MDGA2: variants seen among roughly 807,000 people sequenced by gnomAD.
MDGA2 encodes MAM domain containing glycosylphosphatidylinositol anchor 2, also known as MAM domain-containing glycosylphosphatidylinositol anchor protein 2.
Under a neutral mutation model 117.8 loss-of-function variants are expected in MDGA2, and 40 were observed. The ratio of observed to expected loss-of-function variants is 0.34; its 90% CI spans 0.26 to 0.44. The LOEUF is 0.44. MDGA2 is among the 20% of genes least tolerant of loss of function. MDGA2 has a pLI of 1.00. For missense variants in MDGA2, 1,123 were observed against 1,250.6 expected (o/e 0.90, Z 1.54); for synonymous variants, 452 against 439.0 (o/e 1.03, Z -0.37).
chr14:47,429,951 G>A (rs759606958), intron 1 of MDGA2, among the ~76,000 whole-genome samples: 7 of 148,498 alleles, frequency 4.7e-5, no homozygotes, highest in South Asian at 2.2e-4. Flanking sequence ...TCTGGATGAT[G>A]ATAACGAGAA....
intron 1 of MDGA2, among the ~76,000 whole-genome samples, chr14:47,421,368 G>T (rs772204199): frequency 2.0e-5 from 3 of 152,130 alleles, no homozygotes; most frequent in Non-Finnish European, 4.4e-5. Context: ...GCCTTCTTTG[G>T]CTGGCATCAC....
intron 1 of MDGA2, 40 bp downstream of exon 1, chr14:47,674,477 A>C: frequency 3.3e-6 from 5 of 1,516,170 alleles, no homozygotes; most frequent in Non-Finnish European, 4.4e-6. Context: ...TATCTTGCCT[A>C]AGAATCACAA....
At position 47,050,072 on chromosome 14, in the gene MDGA2, T is replaced by C. The variant is rs578019434; in HGVS notation, c.1525+11177A>G. On this transcript the variant is annotated intron_variant, in intron 7 of 16. Coordinates refer to ENST00000399232, the MANE Select transcript of MDGA2 (RefSeq NM_001113498.3). ...AATGGATTCCCTCATCAAAAATACA[T>C]TTCTCAGAGTGTATCTCTGGAGCCT... Among the ~76,000 whole-genome samples, 3 of 152,104 alleles carry C rather than the reference T, an allele frequency of 2.0e-5. No individual in the cohort carries two copies. The East Asian group carries it at 5.8e-4, about 29-fold the overall frequency.
At chr14:46,911,067 T>C (rs3007115) in intron 10 of MDGA2, among the ~76,000 whole-genome samples, 128,076 of 152,062 alleles carry the variant, frequency 0.84, 56,563 homozygotes, top group East Asian at 0.99. Flanking sequence ...ACCTGGGTGA[T>C]GAAATAATCT....
At chr14:47,648,339 A>G (rs1897574810) in intron 1 of MDGA2, among the ~76,000 whole-genome samples, 1 of 152,162 alleles carries the variant, frequency 6.6e-6, no homozygotes, top group African/African-American at 2.4e-5. Context: ...TTCTTTCTAT[A>G]TAGTATATTC....
At chr14:46,926,653 T>C (rs1199647095) in intron 9 of MDGA2, among the ~76,000 whole-genome samples, 1 of 144,870 alleles carries the variant, frequency 6.9e-6, no homozygotes, top group East Asian at 2.0e-4. Context: ...AAAATTACAT[T>C]ATCTTCAAAT....
chr14:47,034,428 A>G (rs562596498), intron 8 of MDGA2, among the ~76,000 whole-genome samples: 1 of 152,342 alleles, frequency 6.6e-6, no homozygotes, highest in South Asian at 2.1e-4. Context: ...GCAAAAATTC[A>G]GCACCTAAGA....
chr14:47,373,360 C>T (rs1335949526), intron 1 of MDGA2, among the ~76,000 whole-genome samples: 1 of 151,860 alleles, frequency 6.6e-6, no homozygotes, highest in African/African-American at 2.4e-5. Flanking sequence ...TATATGCATA[C>T]ATAAACTCAT....
In MDGA2 at chr14:46,840,697, C is replaced by T. The variant is rs1443904084; in HGVS notation, c.*1234G>A. ...CTGCAATCCCAAACATTTTCTTGTT[C>T]CCTCTAAAGCTAGGGCCAATTTCAT... On this transcript the variant is annotated 3_prime_UTR_variant, in exon 17 of 17. Transcript: ENST00000399232. 1 of 152,518 alleles carries T rather than the reference C, an allele frequency of 6.6e-6. No homozygotes were observed. Among genetic ancestry groups the T allele is most frequent in the Non-Finnish European group, 1.5e-5 (1 of 68,016 alleles). The allele number at this position is 152,518 out of a possible 1,614,324, so 9.4% of individuals were successfully genotyped here. A position where few individuals can be genotyped will look rare whatever the true frequency, so the allele number is the denominator to read the frequency against.
chr14:46,981,240 C>T (rs530226274), intron 8 of MDGA2, among the ~76,000 whole-genome samples: 1 of 151,910 alleles, frequency 6.6e-6, no homozygotes, highest in East Asian at 1.9e-4. Flanking sequence ...CCCGTCTCTA[C>T]TAAAAATACA....
At chr14:47,452,253 A>G (rs1189229635) in intron 1 of MDGA2, among the ~76,000 whole-genome samples, 1 of 152,034 alleles carries the variant, frequency 6.6e-6, no homozygotes, top group Non-Finnish European at 1.5e-5. Context: ...GATTCCCCAC[A>G]TTTTGCTGAA....
rs1400364247 is a variant in MDGA2 at position 47,061,679 on chromosome 14, A to G, written c.1196-101T>C. On this transcript the variant is annotated intron_variant, in intron 6 of 16. Transcript: ENST00000399232. Reference sequence around the variant, plus strand: ...CTCTGAGCTGAAATAAAGTAAAACCAAATAAAGTGTACATATATTTCTTTT... The same window carrying G: ...CTCTGAGCTGAAATAAAGTAAAACCGAATAAAGTGTACATATATTTCTTTT... 6.2e-6 allele frequency: 6 copies of G among 965,984 alleles called. No homozygotes were observed. The East Asian group carries it at 1.6e-4, about 25-fold the overall frequency. 59.8% of individuals were successfully genotyped at this position (965,984 alleles called of 1,614,324 possible).
At chr14:46,889,951 A>G (rs1882817324) in intron 10 of MDGA2, among the ~76,000 whole-genome samples, 1 of 151,780 alleles carries the variant, frequency 6.6e-6, no homozygotes, top group African/African-American at 2.4e-5. Flanking sequence ...CACCCACTCT[A>G]TTGCCTTTCT....
chr14:47,063,894 A>C (rs2138800111), intron 6 of MDGA2, among the ~76,000 whole-genome samples: 1 of 152,148 alleles, frequency 6.6e-6, no homozygotes, highest in Non-Finnish European at 1.5e-5. Flanking sequence ...TTTATTTACC[A>C]TGCAGCTATT....
At chr14:46,906,517 T>C (rs999016130) in intron 10 of MDGA2, among the ~76,000 whole-genome samples, 2 of 152,110 alleles carry the variant, frequency 1.3e-5, no homozygotes, top group African/African-American at 4.8e-5. Flanking sequence ...CACTTTCTAG[T>C]AAAACCATTA....
intron 1 of MDGA2, among the ~76,000 whole-genome samples, chr14:47,476,394 A>C (rs1014330390): frequency 6.6e-6 from 1 of 152,068 alleles, no homozygotes; most frequent in East Asian, 1.9e-4. Context: ...TTTTTTTTGT[A>C]AAATAAAGAT....
At position 47,674,937 on chromosome 14, in the gene MDGA2, G is replaced by A; in HGVS notation, c.-141C>T. Reference sequence around the variant, plus strand: ...GGAGCAGGGGGCGGTGATGGGAAGGGGAGCTGCGAGGCGAAGTGTTCTTCA... The same window carrying A: ...GGAGCAGGGGGCGGTGATGGGAAGGAGAGCTGCGAGGCGAAGTGTTCTTCA... On this transcript the variant is annotated 5_prime_UTR_variant, in exon 1 of 17. Transcript: ENST00000399232. 1 of 500,160 alleles carries A rather than the reference G, an allele frequency of 2.0e-6. No homozygotes were observed. The highest frequency in any genetic ancestry group is 3.5e-6 in the Non-Finnish European group (1 of 288,204). 31.0% of individuals were successfully genotyped at this position (500,160 alleles called of 1,614,324 possible).
chr14:47,474,705 C>T (rs1043597481), intron 1 of MDGA2, among the ~76,000 whole-genome samples: 9 of 151,942 alleles, frequency 5.9e-5, no homozygotes, highest in South Asian at 2.1e-4. Context: ...ATCTGATCTC[C>T]GACAACCCTG....
At chr14:46,883,507 T>A (rs1882545904) in intron 10 of MDGA2, among the ~76,000 whole-genome samples, 1 of 151,970 alleles carries the variant, frequency 6.6e-6, no homozygotes, top group Non-Finnish European at 1.5e-5. Flanking sequence ...TATTAGAAAT[T>A]TTTTTAGAAT....
Sources: gnomAD v4.1 joint callset for allele counts (sites outside exome capture counted in the v4.1 genomes callset) on GRCh38, gnomAD v4.1.1 for gene constraint, MANE v1.5 for transcripts, NCBI Gene and HGNC (gene_info 2026-07-23, HGNC 2026-07-21) for gene names.